The following ABCA4 variants were observed in gnomAD, a reference collection of about 807,000 sequenced individuals.
The protein encoded by ABCA4 is ATP binding cassette subfamily A member 4.
A neutral mutation model predicts 263.7 loss-of-function variants in ABCA4; 196 were observed. That is an observed-to-expected ratio of 0.74 (90% CI 0.66 to 0.84). The LOEUF is 0.84. Ranked by LOEUF, ABCA4 falls within the 40% of genes least tolerant of loss-of-function variation. ABCA4 has a pLI of 0.00. For missense variants in ABCA4, 2,792 were observed against 2,855.1 expected (o/e 0.98, Z 0.50); for synonymous variants, 1,133 against 1,094.2 (o/e 1.04, Z -0.70).
intron 6 of ABCA4, among the ~76,000 whole-genome samples, chr1:94,095,749 G>GTTTT (rs4147879): frequency 2.5e-4 from 34 of 136,946 alleles, no homozygotes; most frequent in African/African-American, 8.9e-4. Context: ...TTTCTTTCAG[G>GTTTT]TTTTTTTTTT....
At chr1:94,116,480 AT>A (rs1360147563) in intron 1 of ABCA4, among the ~76,000 whole-genome samples, 1 of 151,944 alleles carries the variant, frequency 6.6e-6, no homozygotes, top group African/African-American at 2.4e-5. Flanking sequence ...GCTCTAGGTA[AT>A]GGTTGGTTGG....
chr1:94,041,099 A>C, intron 23 of ABCA4, 110 bp downstream of exon 23: 6 of 1,124,110 alleles, frequency 5.3e-6, no homozygotes, highest in Non-Finnish European at 8.0e-6. Flanking sequence ...GAACAAAGAC[A>C]CTGATTCTGG....
intron 5 of ABCA4, among the ~76,000 whole-genome samples, chr1:94,100,828 C>G (rs1399163240): frequency 1.3e-5 from 2 of 152,198 alleles, no homozygotes; most frequent in African/African-American, 4.8e-5. Flanking sequence ...CCATGTTGGA[C>G]AGCGCCCAGA....
chr1:94,049,053 T>C, intron 17 of ABCA4, 96 bp from the exon 18 acceptor site: 1 of 1,197,652 alleles, frequency 8.3e-7, no homozygotes, highest in Non-Finnish European at 1.2e-6. Context: ...CAAATGAGTT[T>C]CCTAGCCAGC....
intron 29 of ABCA4, 121 bp from the exon 30 acceptor site, chr1:94,029,752 T>C: frequency 2.0e-6 from 2 of 988,658 alleles, no homozygotes; most frequent in Non-Finnish European, 1.5e-6. Context: ...TTTCTTCTTA[T>C]TCTCTTGGAG....
chr1:94,112,125 G>T (rs1486118514), intron 2 of ABCA4, among the ~76,000 whole-genome samples: 5 of 152,180 alleles, frequency 3.3e-5, no homozygotes, highest in African/African-American at 4.8e-5. Context: ...TTTGCATAAC[G>T]CTTGAGGCTT....
chr1:94,064,852 C>G (rs1308029524), intron 11 of ABCA4, among the ~76,000 whole-genome samples: 3 of 152,036 alleles, frequency 2.0e-5, no homozygotes, highest in Non-Finnish European at 4.4e-5. Flanking sequence ...CTGGGCAGGC[C>G]TTAAACAGCC....
intron 40 of ABCA4, among the ~76,000 whole-genome samples, chr1:94,009,560 C>T (rs748005388): frequency 3.3e-5 from 5 of 152,166 alleles, no homozygotes; most frequent in Non-Finnish European, 5.9e-5. Flanking sequence ...TGGTCATTCC[C>T]GTCTCCCAGC....
chr1:94,091,895 T>C (rs1661980108), intron 6 of ABCA4, among the ~76,000 whole-genome samples: 1 of 152,196 alleles, frequency 6.6e-6, no homozygotes, highest in African/African-American at 2.4e-5. Context: ...TTGGGTTGTC[T>C]GGGATCAAAA....
chr1:94,024,304 G>C (rs879580869), intron 31 of ABCA4, among the ~76,000 whole-genome samples: 5 of 152,110 alleles, frequency 3.3e-5, no homozygotes, highest in Non-Finnish European at 7.3e-5. Context: ...TGCTTGTTCT[G>C]ATACGGGCTG....
chr1:94,041,527 C>A (rs61783971), intron 22 of ABCA4, 125 bp from the exon 23 acceptor site: 3 of 966,364 alleles, frequency 3.1e-6, no homozygotes, highest in Non-Finnish European at 4.7e-6. Context: ...AAAAAAAACC[C>A]AAGGGAACTA....
At chr1:94,112,146 C>A (rs1036219142) in intron 2 of ABCA4, among the ~76,000 whole-genome samples, 2 of 152,146 alleles carry the variant, frequency 1.3e-5, no homozygotes, top group African/African-American at 4.8e-5. Context: ...CCACATTCAC[C>A]ACATAGAGGG....
chr1:94,077,949 T>C (rs1299256399), intron 10 of ABCA4, 62 bp from the exon 11 acceptor site: 2 of 1,514,408 alleles, frequency 1.3e-6, no homozygotes, highest in South Asian at 1.1e-5. Context: ...TTTGGTCTTG[T>C]TCTTCAGCCA....
At chr1:94,013,891 G>A (rs560131648) in intron 38 of ABCA4, among the ~76,000 whole-genome samples, 2 of 152,322 alleles carry the variant, frequency 1.3e-5, no homozygotes, top group East Asian at 3.9e-4. Context: ...GAGCACACAG[G>A]AAACTCAAGT....
At position 94,120,995 on chromosome 1, in the gene ABCA4, C is replaced by T. The variant is rs773812622; in HGVS notation, c.51G>A (p.Leu17=). The part of the protein sequence containing the change: ...IQLLLWKNWT[L]RKRQKIRFVV... ...TAACTGTTACCTTTTGCCTTTTCCG[C>T]AGGGTCCAGTTCTTCCAGAGCAAAA... is the stretch of plus-strand genomic sequence containing the variant. Residue 17 remains leucine (L), a synonymous_variant, in exon 1 of 50, where the codon CTG becomes CTA. Coordinates refer to ENST00000370225, the MANE Select transcript of ABCA4 (RefSeq NM_000350.3). 2 of 1,613,810 alleles carry T rather than the reference C, an allele frequency of 1.2e-6. No individual in the cohort carries two copies. Among genetic ancestry groups the T allele is most frequent in the Admixed American group, 3.3e-5 (2 of 59,984 alleles).
rs1660700107 is a variant in ABCA4 at position 94,046,928 on chromosome 1, G to A, written c.2909C>T (p.Thr970Ile). 6.2e-7 allele frequency: 1 copy of A among 1,614,124 alleles called. No homozygotes were observed. The highest frequency in any genetic ancestry group is 8.5e-7 in the Non-Finnish European group (1 of 1,180,018). ...CTGCTGGAAGACTCACAAGGTGGTG[G>A]TTTTCCCAGCTCCATTGTGGCCCAG... ...AFLGHNGAGK[T>I]TTLSILTGLL... Residue 970 changes from threonine (T) to isoleucine (I), a missense_variant, in exon 19 of 50, where the codon ACC becomes ATC. Physicochemically the swap from Thr to Ile is moderately conservative, Grantham distance 89. Transcript: ENST00000370225.
chr1:93,997,989 T>C lies in ABCA4; in HGVS notation c.6601A>G (p.Arg2201Gly), dbSNP rs773123480. Reference protein sequence around the residue: ...GNFPGSVQRERHYNMLQFQVS... With the variant: ...GNFPGSVQREGHYNMLQFQVS... ...TGGAACTGGAGCATGTTGTAGTGCC[T>C]CTCCCTCTGCACACTGCCTGGGAAG... The change falls in exon 48 of 50, where the codon AGG becomes GGG. Residue 2201 changes from arginine to glycine, a missense_variant. Transcript: ENST00000370225. The C allele has an allele frequency of 3.1e-6, 5 of 1,613,992 alleles. No individual in the cohort carries two copies. The South Asian group carries it at 5.5e-5, about 18-fold the overall frequency.
At chr1:94,047,894 C>T (rs571414907) in intron 18 of ABCA4, among the ~76,000 whole-genome samples, 31 of 152,316 alleles carry the variant, frequency 2.0e-4, no homozygotes, top group African/African-American at 6.7e-4. Context: ...CCCTATATGG[C>T]ACAGCTTAAT....
intron 6 of ABCA4, among the ~76,000 whole-genome samples, chr1:94,094,204 C>G (rs772940745): frequency 6.6e-6 from 1 of 152,158 alleles, no homozygotes; most frequent in South Asian, 2.1e-4. Context: ...TGAAGTTTAA[C>G]AATCTGCAAC....
Sources: gnomAD v4.1 joint callset for allele counts (sites outside exome capture counted in the v4.1 genomes callset) on GRCh38, gnomAD v4.1.1 for gene constraint, MANE v1.5 for transcripts, NCBI Gene and HGNC (gene_info 2026-07-23, HGNC 2026-07-21) for gene names.